The following OPN4 variants were observed in gnomAD, a reference collection of about 807,000 sequenced individuals.
OPN4 encodes melanopsin.
OPN4 carries 43 observed loss-of-function variants against 49.5 expected under a neutral mutation model. The ratio of observed to expected loss-of-function variants is 0.87; its 90% CI spans 0.68 to 1.12. The LOEUF is 1.12. Among genes scored for constraint, OPN4 ranks in the 50% most tolerant of loss-of-function variants. The pLI is 0.00. For synonymous variants in OPN4, 263 were observed against 258.0 expected (o/e 1.02, Z -0.19); for missense variants, 657 against 643.9 (o/e 1.02, Z -0.22).
intron 4 of OPN4, 57 bp from the exon 5 acceptor site, chr10:86,659,240 G>A: frequency 7.1e-7 from 1 of 1,411,442 alleles, no homozygotes; most frequent in South Asian, 1.2e-5. Flanking sequence ...GCTCCTGCCA[G>A]ATAAGGAGCC....
At chr10:86,655,398 G>A (rs928290351) in intron 1 of OPN4, among the ~76,000 whole-genome samples, 2 of 152,202 alleles carry the variant, frequency 1.3e-5, no homozygotes, top group Non-Finnish European at 1.5e-5. Context: ...GGCACCCTCA[G>A]GACCTGGGGA....
At chr10:86,659,200 G>A (rs1843941300) in intron 4 of OPN4, 97 bp from the exon 5 acceptor site, 3 of 951,350 alleles carry the variant, frequency 3.2e-6, no homozygotes, top group East Asian at 2.4e-5. Flanking sequence ...GGCCAGGGCT[G>A]TGTATGGGGA....
Position 86,663,724 on chromosome 10 carries a change from C to T in OPN4, c.1320C>T (p.Leu440=), listed in dbSNP as rs34219180. The T allele has an allele frequency of 6.3e-7, 1 of 1,582,420 alleles. No homozygotes were observed. Among genetic ancestry groups the T allele is most frequent in the Non-Finnish European group, 8.6e-7 (1 of 1,164,822 alleles). The stretch of plus-strand genomic sequence containing the variant: ...CCCAGCAAGCAAATGGGCGGTCCCT[C>T]TACGGTCAGGGTCTGGAGGACTTGG... ...GAAQQANGRS[L]YGQGLEDLEA... Residue 440 remains leucine, a synonymous_variant, in exon 9 of 10, where the codon CTC becomes CTT. Transcript: ENST00000241891.
chr10:86,656,475 C>T (rs1043003501), intron 2 of OPN4, among the ~76,000 whole-genome samples, 175 bp downstream of exon 2: 11 of 152,270 alleles, frequency 7.2e-5, no homozygotes, highest in East Asian at 5.8e-4. Context: ...CTGAAGGTCA[C>T]GGAAAGGGCC....
Position 86,658,680 on chromosome 10 carries a change from C to T in OPN4, c.621C>T (p.Phe207=), listed in dbSNP as rs147175017. 81 of 1,611,966 alleles carry T rather than the reference C, an allele frequency of 5.0e-5. No individual in the cohort carries two copies. The highest frequency in any genetic ancestry group is 1.2e-4 in the African/African-American group (9 of 75,020). The change falls in exon 4 of 10, where the codon TTC becomes TTT. Residue 207 remains phenylalanine (F), a synonymous_variant. Transcript: ENST00000241891. ...YALAWSLPPF[F]GWSAYVPEGL... ...TGGCCTGGAGTCTGCCACCCTTCTT[C>T]GGCTGGAGTAAGTGGGCTGCTGGAA... is the stretch of plus-strand genomic sequence containing the variant.
rs775555903 is a variant in OPN4, at chr10:86,659,337, G to C, written c.669G>C (p.Trp223Cys). 1.4e-5 allele frequency: 23 copies of C among 1,613,752 alleles called. No individual in the cohort carries two copies. Among genetic ancestry groups the C allele is most frequent in the Non-Finnish European group, 1.9e-5 (22 of 1,180,016 alleles). ...VPEGLLTSCS[W>C]DYMSFTPAVR... The stretch of plus-strand genomic sequence containing the variant: ...AGGGGTTGCTGACATCCTGCTCCTG[G>C]GACTACATGAGCTTCACGCCGGCCG... The change falls in exon 5 of 10, where the codon TGG becomes TGC. Residue 223 changes from tryptophan to cysteine, a missense_variant. Coordinates refer to ENST00000241891, the MANE Select transcript of OPN4 (RefSeq NM_033282.4).
In OPN4 at chr10:86,660,052, T is replaced by C; in HGVS notation, c.958T>C (p.Phe320Leu). ...CTATTCCGCTGTGGCCCTGGTGGCC[T>C]TTGCTGGGTAAGCAGTGGCTAAAGG... The part of the protein sequence containing the change: ...APYSAVALVA[F>L]AGYAHVLTPY... The change falls in exon 6 of 10, where the codon TTT (phenylalanine) becomes CTT (leucine). Residue 320 changes from phenylalanine (F) to leucine (L), a missense_variant. Coordinates refer to ENST00000241891, the MANE Select transcript of OPN4 (RefSeq NM_033282.4). 6.2e-7 allele frequency: 1 copy of C among 1,614,122 alleles called. No homozygotes were observed. Among genetic ancestry groups the C allele is most frequent in the Non-Finnish European group, 8.5e-7 (1 of 1,179,980 alleles).
intron 1 of OPN4, among the ~76,000 whole-genome samples, chr10:86,655,718 G>T (rs1843846241): frequency 6.6e-6 from 1 of 152,194 alleles, no homozygotes; most frequent in African/African-American, 2.4e-5. Flanking sequence ...CTTGAGAGGG[G>T]CTCCACCCGA....
rs768090514 is a variant in OPN4, at chr10:86,662,232, C to T, written c.1074-20C>T. On this transcript the variant is annotated intron_variant, in intron 7 of 9. Coordinates refer to ENST00000241891, the MANE Select transcript of OPN4 (RefSeq NM_033282.4). ...TGTCTGCCCATCCCCTGGCCCTAAT[C>T]AGATGTGCGGCCCCTGCAGGGTGGC... 2 of 1,604,502 alleles carry T rather than the reference C, an allele frequency of 1.2e-6. No individual in the cohort carries two copies. Among genetic ancestry groups the T allele is most frequent in the Admixed American group, 3.4e-5 (2 of 59,290 alleles).
chr10:86,658,718 C>G, intron 4 of OPN4, 31 bp downstream of exon 4: 1 of 1,604,054 alleles, frequency 6.2e-7, no homozygotes, highest in Non-Finnish European at 8.5e-7. Flanking sequence ...GGAAGGGGGG[C>G]AGATGGGCTG....
chr10:86,663,336 C>T (rs1185368597), intron 8 of OPN4, among the ~76,000 whole-genome samples: 1 of 152,190 alleles, frequency 6.6e-6, no homozygotes, highest in African/African-American at 2.4e-5. Flanking sequence ...TAGTGAATAA[C>T]AAGGAGAAAT....
In OPN4 at chr10:86,665,997, A is replaced by G. The variant is rs2736687; in HGVS notation, c.*246A>G. The G allele has an allele frequency of 1, 545,287 of 546,518 alleles. 272,035 individuals are homozygous for G. Among genetic ancestry groups the G allele is most frequent in the East Asian group, 1 (32,287 of 32,290 alleles). The allele number at this position is 546,518 out of a possible 1,614,324, so 33.9% of individuals were successfully genotyped here. On this transcript the variant is annotated 3_prime_UTR_variant, in exon 10 of 10. Coordinates refer to ENST00000241891, the MANE Select transcript of OPN4 (RefSeq NM_033282.4). ...GCACCCGAGGCTCAGCCTGAGGGGT[A>G]TGTGCCCAGGCCCTCCCACTTCCCG...
Position 86,662,345 on chromosome 10 carries a change from C to T in OPN4, c.1167C>T (p.His389=), listed in dbSNP as rs147371225. The T allele has an allele frequency of 3.3e-4, 523 of 1,597,532 alleles. 4 individuals carry two copies. In the East Asian group the frequency reaches 8.4e-3, roughly 26 times the overall value. The change falls in exon 8 of 10, where the codon CAC becomes CAT. Residue 389 remains histidine, a synonymous_variant. Transcript: ENST00000241891. ...CCTACCCCAGCTACCGCTCCACCCA[C>T]CGCTCCACGCTGACCAGCCACACCT... The part of the protein sequence containing the change: ...SRPYPSYRST[H]RSTLTSHTSN...
chr10:86,661,421 C>T, intron 7 of OPN4, 33 bp downstream of exon 7: 1 of 1,523,032 alleles, frequency 6.6e-7, no homozygotes, highest in Non-Finnish European at 9.1e-7. Flanking sequence ...CACACCTTGG[C>T]CTCCAAGGGC....
chr10:86,662,372 C>T lies in OPN4; in HGVS notation c.1194C>T (p.Ser398=), dbSNP rs1385932110. 1 of 1,581,764 alleles carries T rather than the reference C, an allele frequency of 6.3e-7. No homozygotes were observed. Among genetic ancestry groups the T allele is most frequent in the Non-Finnish European group, 8.6e-7 (1 of 1,164,900 alleles). ...GCTCCACGCTGACCAGCCACACCTC[C>T]AACCTCAGCTGGATCTCCATACGGA... ...THRSTLTSHT[S]NLSWISIRRR... is the part of the protein sequence containing the mutation. The change falls in exon 8 of 10, where the codon TCC becomes TCT. Residue 398 remains serine, a synonymous_variant. Coordinates refer to ENST00000241891, the MANE Select transcript of OPN4 (RefSeq NM_033282.4).
rs1844173680 is a variant in OPN4 at position 86,666,171 on chromosome 10, C to T, written c.*420C>T. On this transcript the variant is annotated 3_prime_UTR_variant, in exon 10 of 10. Transcript: ENST00000241891. Reference sequence around the variant, plus strand: ...ATAGGAAGGCCAGCCCCGCATCTCCCACTGCCAACAGCTGAAGCCGAGCAC... The same window carrying T: ...ATAGGAAGGCCAGCCCCGCATCTCCTACTGCCAACAGCTGAAGCCGAGCAC... 3.3e-5 allele frequency: 7 copies of T among 213,418 alleles called. No individual in the cohort carries two copies. The South Asian group carries it at 6.3e-4, about 19-fold the overall frequency. 13.2% of individuals were successfully genotyped at this position (213,418 alleles called of 1,614,324 possible).
chr10:86,659,310 C>T lies in OPN4; in HGVS notation c.642C>T (p.Pro214=), dbSNP rs753092227. Residue 214 remains proline (P), a synonymous_variant, in exon 5 of 10, where the codon CCC becomes CCT. Transcript: ENST00000241891. The part of the protein sequence containing the change: ...PPFFGWSAYV[P]EGLLTSCSWD... ...CCTGGCTCCCAGGCGCCTACGTGCC[C>T]GAGGGGTTGCTGACATCCTGCTCCT... 34 of 1,612,342 alleles carry T rather than the reference C, an allele frequency of 2.1e-5. No individual in the cohort carries two copies. Among genetic ancestry groups the T allele is most frequent in the South Asian group, 1.2e-4 (11 of 91,018 alleles).
In OPN4 at chr10:86,658,086, C is replaced by A. The variant is rs994273641; in HGVS notation, c.345C>A (p.Ser115Arg). Reference protein sequence around the residue: ...ANMFIINLAVSDFLMSFTQAP... With the variant: ...ANMFIINLAVRDFLMSFTQAP... ...TGTTCATTATCAACCTCGCGGTCAG[C>A]GACTTCCTCATGTCCTTCACCCAGG... is the stretch of plus-strand genomic sequence containing the variant. Residue 115 changes from serine to arginine, a missense_variant, in exon 3 of 10, where the codon AGC becomes AGA. Coordinates refer to ENST00000241891, the MANE Select transcript of OPN4 (RefSeq NM_033282.4). 6.2e-7 allele frequency: 1 copy of A among 1,614,058 alleles called. No individual in the cohort carries two copies. Among genetic ancestry groups the A allele is most frequent in the Non-Finnish European group, 8.5e-7 (1 of 1,180,020 alleles).
chr10:86,654,803 C>A lies in OPN4; in HGVS notation c.20C>A (p.Pro7Gln), dbSNP rs148229125. 17 of 1,612,454 alleles carry A rather than the reference C, an allele frequency of 1.1e-5. No homozygotes were observed. The African/African-American group carries it at 2.1e-4, about 20-fold the overall frequency. The part of the protein sequence containing the change: MNPPSG[P>Q]RVPPSPTQEP... ...CTCAGGATGAACCCTCCTTCGGGGC[C>A]AAGAGTCCCGCCCAGCCCAACCCAA... The change falls in exon 1 of 10, where the codon CCA (proline) becomes CAA (glutamine). Residue 7 changes from proline (P) to glutamine (Q), a missense_variant. Pro to Gln is a moderately conservative substitution (Grantham distance 76, BLOSUM62 -1). Coordinates refer to ENST00000241891, the MANE Select transcript of OPN4 (RefSeq NM_033282.4).
Sources: allele counts gnomAD v4.1 joint callset (sites outside exome capture counted in the v4.1 genomes callset), GRCh38; gene constraint gnomAD v4.1.1; transcripts MANE v1.5; gene names NCBI Gene and HGNC (gene_info 2026-07-23, HGNC 2026-07-21).